The following OTOF variants were observed in gnomAD, a reference collection of about 807,000 sequenced individuals.
OTOF encodes otoferlin.
OTOF carries 218 observed loss-of-function variants against 236.8 expected under a neutral mutation model. The ratio of observed to expected loss-of-function variants is 0.92; its 90% CI spans 0.82 to 1.03. OTOF has a LOEUF of 1.03. OTOF is among the 50% of genes least tolerant of loss of function. OTOF has a pLI of 0.00. For missense variants in OTOF, 2,590 were observed against 2,694.4 expected, an observed-to-expected ratio of 0.96 and a Z score of 0.86; for synonymous variants, 1,041 against 1,072.5, an observed-to-expected ratio of 0.97 and a Z score of 0.57.
rs1666332786 is a variant in OTOF at position 26,509,548 on chromosome 2, G to A, written c.510-5703C>T. 2.6e-5 allele frequency among the ~76,000 whole-genome samples: 4 copies of A among 152,172 alleles called. No homozygotes were observed. The South Asian group carries it at 6.2e-4, about 24-fold the overall frequency. Reference sequence around the variant, plus strand: ...TTTGAAGCAATGAATGAGGCTGTGAGTTCCCCAGGATCTTAATGCCAGTGG... The same window carrying A: ...TTTGAAGCAATGAATGAGGCTGTGAATTCCCCAGGATCTTAATGCCAGTGG... On this transcript the variant is annotated intron_variant, in intron 5 of 46. Transcript: ENST00000272371.
At chr2:26,487,457 T>C (rs1665728283) in intron 11 of OTOF, among the ~76,000 whole-genome samples, 1 of 152,138 alleles carries the variant, frequency 6.6e-6, no homozygotes, top group South Asian at 2.1e-4. Flanking sequence ...ACTCACAATG[T>C]GGCCCTGGAC....
intron 46 of OTOF, among the ~76,000 whole-genome samples, chr2:26,458,445 G>A (rs1467735807): frequency 6.6e-6 from 1 of 152,220 alleles, no homozygotes; most frequent in Non-Finnish European, 1.5e-5. Flanking sequence ...TCCTCCTAAG[G>A]CCTAGATGGG....
chr2:26,459,982 A>G, intron 46 of OTOF, 26 bp downstream of exon 46: 1 of 1,551,400 alleles, frequency 6.4e-7, no homozygotes, highest in Non-Finnish European at 8.7e-7. Flanking sequence ...CCCTTGGTCC[A>G]GAGGAAGAAG....
In OTOF at chr2:26,463,988, G is replaced by T; in HGVS notation, c.5079C>A (p.Asn1693Lys). Reference protein sequence around the residue: ...PEHVETRPLLNPDKPGIEQGR... With the variant: ...PEHVETRPLLKPDKPGIEQGR... ...CCTGCTCGATGCCCGGCTTGTCGGG[G>T]TTGAGCAGCGGCCTCGTCTCCACAT... is the stretch of plus-strand genomic sequence containing the variant. Residue 1693 changes from asparagine to lysine, a missense_variant, in exon 40 of 47, where the codon AAC becomes AAA. Asn to Lys is a moderately conservative substitution (Grantham distance 94). Coordinates refer to ENST00000272371, the MANE Select transcript of OTOF (RefSeq NM_194248.3). 6.2e-7 allele frequency: 1 copy of T among 1,613,814 alleles called. No homozygotes were observed. The highest frequency in any genetic ancestry group is 8.5e-7 in the Non-Finnish European group (1 of 1,180,034).
At chr2:26,463,135 T>G (rs538262699) in intron 41 of OTOF, among the ~76,000 whole-genome samples, 1 of 151,848 alleles carries the variant, frequency 6.6e-6, no homozygotes, top group South Asian at 2.1e-4. Context: ...TCCGTGGGAG[T>G]GCTATGCTGT....
In OTOF at chr2:26,473,447, TC is replaced by T; in HGVS notation, c.3528del (p.Lys1177ArgfsTer26). The part of the protein sequence containing the change: ...GVQSSLIHNY[K>X]KNPNFNTLVK... Reference sequence around the variant, plus strand: ...ACGAGGGTGTTGAAGTTGGGGTTCTTCTTATAATTGTGGATCAGGGACGACT... The same window carrying T: ...ACGAGGGTGTTGAAGTTGGGGTTCTTTTATAATTGTGGATCAGGGACGACT... On this transcript the variant is annotated frameshift_variant, in exon 28 of 47. Transcript: ENST00000272371. LOFTEE classifies it high-confidence loss of function. This position sits in a 1 kb window ranked among gnomAD's most constrained non-coding sequence, Gnocchi z 7.2. 1 of 1,613,324 alleles carries T rather than the reference TC, an allele frequency of 6.2e-7. No homozygotes were observed.
At position 26,463,049 on chromosome 2, in the gene OTOF, A is replaced by C. The variant is rs1256397006; in HGVS notation, c.5192+434T>G. ...GGAACATCACACTAGCCTGGATGTGAGGATGACGCAGGGCCGGCTCCCAGG... is the reference window on the plus strand; with the variant it reads ...GGAACATCACACTAGCCTGGATGTGCGGATGACGCAGGGCCGGCTCCCAGG... On this transcript the variant is annotated intron_variant, in intron 41 of 46. Coordinates refer to ENST00000272371, the MANE Select transcript of OTOF (RefSeq NM_194248.3). 2.6e-5 allele frequency among the ~76,000 whole-genome samples: 4 copies of C among 152,150 alleles called. No homozygotes were observed. The East Asian group carries it at 7.7e-4, about 29-fold the overall frequency.
chr2:26,483,922 G>A (rs180719763), intron 12 of OTOF, among the ~76,000 whole-genome samples: 1 of 152,320 alleles, frequency 6.6e-6, no homozygotes, highest in East Asian at 1.9e-4. Context: ...TAAAACATAT[G>A]AGTGCTTTGT....
At chr2:26,529,736 G>A (rs1053281834) in intron 2 of OTOF, among the ~76,000 whole-genome samples, 1 of 152,138 alleles carries the variant, frequency 6.6e-6, no homozygotes, top group Non-Finnish European at 1.5e-5. Context: ...GGACTGGCAA[G>A]GGAGGACCTG....
In OTOF at chr2:26,541,530, G is replaced by A. The variant is rs948393332; in HGVS notation, c.80-3756C>T. On this transcript the variant is annotated intron_variant, in intron 1 of 46. Coordinates refer to ENST00000272371, the MANE Select transcript of OTOF (RefSeq NM_194248.3). ...TGTCCTTCAGCATTTTGGAAGAGCCGTTTCAGGAGGGTATGTACAAACAGT... is the reference window on the plus strand; with the variant it reads ...TGTCCTTCAGCATTTTGGAAGAGCCATTTCAGGAGGGTATGTACAAACAGT... Among the ~76,000 whole-genome samples the A allele has an allele frequency of 3.3e-5, 5 of 152,190 alleles. No homozygotes were observed. The East Asian group carries it at 5.8e-4, about 18-fold the overall frequency.
intron 18 of OTOF, 51 bp downstream of exon 18, chr2:26,479,213 C>T (rs757870594): frequency 6.9e-6 from 11 of 1,603,164 alleles, no homozygotes; most frequent in South Asian, 3.4e-5. Flanking sequence ...CCTCTGACAG[C>T]GCCGTCTCCC....
chr2:26,480,505 A>G (rs970124036), intron 15 of OTOF, among the ~76,000 whole-genome samples, 194 bp from the exon 16 acceptor site: 4 of 152,216 alleles, frequency 2.6e-5, no homozygotes, highest in Non-Finnish European at 5.9e-5. Flanking sequence ...GGCTGCAGAC[A>G]CCACAGGGAC....
Position 26,470,582 on chromosome 2 carries a change from C to A in OTOF, c.4023+11G>T. 3 of 1,613,948 alleles carry A rather than the reference C, an allele frequency of 1.9e-6. No homozygotes were observed. The highest frequency in any genetic ancestry group is 2.5e-6 in the Non-Finnish European group (3 of 1,179,910). On this transcript the variant is annotated intron_variant, in intron 32 of 46. Coordinates refer to ENST00000272371, the MANE Select transcript of OTOF (RefSeq NM_194248.3). This position sits in a 1 kb window ranked among gnomAD's most constrained non-coding sequence, Gnocchi z 4.3. ...GGGGGTCACCTCCCCTCACCCTACCCGAGGTCTCACCTCCTTCATGGTGTC... is the reference window on the plus strand; with the variant it reads ...GGGGGTCACCTCCCCTCACCCTACCAGAGGTCTCACCTCCTTCATGGTGTC...
At position 26,489,264 on chromosome 2, in the gene OTOF, C is replaced by T. The variant is rs943117323; in HGVS notation, c.992G>A (p.Gly331Asp). 6.2e-7 allele frequency: 1 copy of T among 1,612,996 alleles called. No individual in the cohort carries two copies. Among genetic ancestry groups the T allele is most frequent in the Non-Finnish European group, 8.5e-7 (1 of 1,179,796 alleles). Residue 331 changes from glycine (G) to aspartate (D), a missense_variant, in exon 11 of 47, where the codon GGC (glycine) becomes GAC (aspartate). This residue lies in a region of OTOF where 1,379 missense variants were observed against 1,341.6 expected (regional missense o/e 1.03). Transcript: ENST00000272371. Reference sequence around the variant, plus strand: ...CATTTTGAAGGAGCCCACCAGGGTGCCACTGCGCAGCAGGTTCTTGGAGTG... The same window carrying T: ...CATTTTGAAGGAGCCCACCAGGGTGTCACTGCGCAGCAGGTTCTTGGAGTG... Reference protein sequence around the residue: ...VIHSKNLLRSGTLVGSFKMDV... With the variant: ...VIHSKNLLRSDTLVGSFKMDV...
In OTOF at chr2:26,510,967, G is replaced by T. The variant is rs1361179105; in HGVS notation, c.509+5451C>A. 2.0e-5 allele frequency among the ~76,000 whole-genome samples: 3 copies of T among 152,250 alleles called. 1 individual carries two copies. Among genetic ancestry groups the T allele is most frequent in the Non-Finnish European group, 4.4e-5 (3 of 68,040 alleles). On this transcript the variant is annotated intron_variant, in intron 5 of 46. Transcript: ENST00000272371. ...TTCTGCCTTGGGGGAGATGGGAGGGGCCCACAGTGCTGGGCCTGGGTGGCC... is the reference window on the plus strand; with the variant it reads ...TTCTGCCTTGGGGGAGATGGGAGGGTCCCACAGTGCTGGGCCTGGGTGGCC...
intron 33 of OTOF, among the ~76,000 whole-genome samples, chr2:26,467,954 C>G (rs991476901): frequency 4.6e-5 from 7 of 152,230 alleles, no homozygotes; most frequent in Admixed American, 3.3e-4. Flanking sequence ...ATATTTTATA[C>G]TGTGTCTTCC....
At chr2:26,520,888 T>C (rs953899973) in intron 3 of OTOF, among the ~76,000 whole-genome samples, 12 of 152,234 alleles carry the variant, frequency 7.9e-5, no homozygotes, top group African/African-American at 2.9e-4. Flanking sequence ...CAGAATCACC[T>C]GGAGGGCTTG....
chr2:26,460,352 C>T lies in OTOF; in HGVS notation c.5814-147G>A. ...TCTGGCCATCAAGGCTGGCCATGGC[C>T]CCAGAGGCCACCACTGGAGCTGGCT... is the stretch of plus-strand genomic sequence containing the variant. On this transcript the variant is annotated intron_variant, in intron 45 of 46. Coordinates refer to ENST00000272371, the MANE Select transcript of OTOF (RefSeq NM_194248.3). The surrounding 1 kb of genome is among the most constrained non-coding windows in gnomAD (Gnocchi z 5.3). The T allele has an allele frequency of 1.4e-6, 1 of 711,268 alleles. No individual in the cohort carries two copies. Among genetic ancestry groups the T allele is most frequent in the Non-Finnish European group, 2.4e-6 (1 of 412,996 alleles). 44.1% of individuals were successfully genotyped at this position (711,268 alleles called of 1,614,324 possible). A position where few individuals can be genotyped will look rare whatever the true frequency, so the allele number is the denominator to read the frequency against.
intron 1 of OTOF, among the ~76,000 whole-genome samples, chr2:26,555,330 C>T (rs1180194139): frequency 6.6e-6 from 1 of 152,196 alleles, no homozygotes; most frequent in Non-Finnish European, 1.5e-5. Flanking sequence ...AGAGATTCGC[C>T]CAGGACTCCC....
Sources: allele counts gnomAD v4.1 joint callset (sites outside exome capture counted in the v4.1 genomes callset), GRCh38; gene constraint gnomAD v4.1.1; regional missense constraint gnomAD v4.1.1; non-coding constraint Gnocchi (gnomAD v3.1); transcripts MANE v1.5; gene names NCBI Gene and HGNC (gene_info 2026-07-23, HGNC 2026-07-21).